Variants in EDIL3 observed in about 807,000 individuals in gnomAD.
The protein encoded by EDIL3 is EGF like and discoidin domains 3.
In EDIL3, 37 loss-of-function variants were observed where a neutral mutation model predicts 67.4. That is an observed-to-expected ratio of 0.55 (90% CI 0.42 to 0.72). EDIL3 has a LOEUF of 0.72. Ranked by LOEUF, EDIL3 falls within the 30% of genes least tolerant of loss-of-function variation. The pLI, the probability that EDIL3 is intolerant of heterozygous loss-of-function variation, is 0.00. For synonymous variants in EDIL3, 195 were observed against 196.3 expected (o/e 0.99, Z 0.05); for missense variants, 527 against 586.3 (o/e 0.90, Z 1.04).
At chr5:84,240,204 G>T (rs1282211414) in intron 2 of EDIL3, among the ~76,000 whole-genome samples, 1 of 152,092 alleles carries the variant, frequency 6.6e-6, no homozygotes. Flanking sequence ...GAATAAAACT[G>T]TAATAGAAAA....
chr5:84,332,508 A>C (rs1385664060), intron 1 of EDIL3, among the ~76,000 whole-genome samples: 1 of 152,134 alleles, frequency 6.6e-6, no homozygotes, highest in Non-Finnish European at 1.5e-5. Context: ...GATTTCATGA[A>C]CTCAAGTAAC....
At chr5:83,998,666 A>G (rs900178678) in intron 9 of EDIL3, among the ~76,000 whole-genome samples, 1 of 152,210 alleles carries the variant, frequency 6.6e-6, no homozygotes, top group Non-Finnish European at 1.5e-5. Context: ...TAGTTCCCAA[A>G]TGGCATTTCT....
intron 6 of EDIL3, among the ~76,000 whole-genome samples, chr5:84,088,725 G>GA (rs1171539963): frequency 6.6e-6 from 1 of 151,972 alleles, no homozygotes; most frequent in African/African-American, 2.4e-5. Flanking sequence ...TTTGTGGGGG[G>GA]AAAAAGGAGA....
intron 1 of EDIL3, among the ~76,000 whole-genome samples, chr5:84,314,109 T>A (rs1201436213): frequency 6.6e-6 from 1 of 152,142 alleles, no homozygotes. Flanking sequence ...GGCAGGAGAA[T>A]TGCTTGAACC....
In EDIL3 at chr5:84,073,928, C is replaced by T. The variant is rs1036692786; in HGVS notation, c.652-7322G>A. ...CAAAAGAACAAAGCTGGAGGCATCACGCTACCTGACTTCAAACTATACTAC... is the reference window on the plus strand; with the variant it reads ...CAAAAGAACAAAGCTGGAGGCATCATGCTACCTGACTTCAAACTATACTAC... On this transcript the variant is annotated intron_variant, in intron 6 of 10. Coordinates refer to ENST00000296591, the MANE Select transcript of EDIL3 (RefSeq NM_005711.5). 8.6e-4 allele frequency among the ~76,000 whole-genome samples: 130 copies of T among 151,662 alleles called. 1 individual carries two copies. Among genetic ancestry groups the T allele is most frequent in the African/African-American group, 2.4e-3 (100 of 41,406 alleles).
At chr5:84,179,870 A>G (rs549739523) in intron 4 of EDIL3, among the ~76,000 whole-genome samples, 19 of 152,266 alleles carry the variant, frequency 1.2e-4, no homozygotes, top group South Asian at 1.2e-3. Context: ...TTAACCTTCC[A>G]AGATAAATAA....
At chr5:84,229,083 T>A (rs1262591487) in intron 3 of EDIL3, among the ~76,000 whole-genome samples, 1 of 152,056 alleles carries the variant, frequency 6.6e-6, no homozygotes, top group Non-Finnish European at 1.5e-5. Context: ...ATGTTGCTGG[T>A]ATGTTAGTCT....
intron 9 of EDIL3, among the ~76,000 whole-genome samples, chr5:84,015,298 T>C (rs1271983411): frequency 6.6e-6 from 1 of 152,166 alleles, no homozygotes; most frequent in Non-Finnish European, 1.5e-5. Flanking sequence ...AGTCATCTAG[T>C]TCAAAGGAAG....
At chr5:84,328,420 T>G (rs903273158) in intron 1 of EDIL3, among the ~76,000 whole-genome samples, 1 of 152,042 alleles carries the variant, frequency 6.6e-6, no homozygotes, top group East Asian at 1.9e-4. Context: ...ACTCTTACCA[T>G]GAGAGAATGA....
At chr5:84,054,874 G>T (rs1201180259) in intron 9 of EDIL3, among the ~76,000 whole-genome samples, 1 of 146,258 alleles carries the variant, frequency 6.8e-6, no homozygotes, top group East Asian at 2.0e-4. Context: ...CGTGAAAATG[G>T]CCATACTGCC....
chr5:84,298,891 G>A (rs1746100690), intron 1 of EDIL3, among the ~76,000 whole-genome samples: 1 of 152,068 alleles, frequency 6.6e-6, no homozygotes, highest in Non-Finnish European at 1.5e-5. Context: ...TGGTTGGGGC[G>A]CATCAAGGAT....
chr5:84,105,381 A>G (rs1160162521), intron 6 of EDIL3, among the ~76,000 whole-genome samples: 1 of 152,090 alleles, frequency 6.6e-6, no homozygotes, highest in African/African-American at 2.4e-5. Flanking sequence ...TATGAGACAT[A>G]TAAGAATGCC....
intron 9 of EDIL3, among the ~76,000 whole-genome samples, chr5:84,012,074 A>C (rs972030201): frequency 3.9e-5 from 6 of 152,184 alleles, no homozygotes; most frequent in Non-Finnish European, 8.8e-5. Flanking sequence ...TGCTCAATAA[A>C]TGTTTGTTGA....
intron 6 of EDIL3, among the ~76,000 whole-genome samples, chr5:84,101,842 C>T (rs1232062325): frequency 2.6e-5 from 4 of 151,844 alleles, no homozygotes; most frequent in African/African-American, 9.7e-5. Flanking sequence ...CATCCTGATA[C>T]CAAAACCAGG....
intron 1 of EDIL3, among the ~76,000 whole-genome samples, chr5:84,306,640 T>G (rs1746281785): frequency 6.6e-6 from 1 of 152,224 alleles, no homozygotes; most frequent in Non-Finnish European, 1.5e-5. Flanking sequence ...ACAAATCAAT[T>G]TCTAGTGAAA....
intron 9 of EDIL3, among the ~76,000 whole-genome samples, chr5:84,040,651 T>G (rs1006411727): frequency 1.3e-5 from 2 of 151,896 alleles, no homozygotes; most frequent in Non-Finnish European, 2.9e-5. Context: ...TAAGAGAAAT[T>G]AAAGATTTGT....
chr5:83,961,042 A>C (rs955715305), intron 10 of EDIL3, among the ~76,000 whole-genome samples: 1 of 151,128 alleles, frequency 6.6e-6, no homozygotes, highest in African/African-American at 2.4e-5. Context: ...ATGCTAAGGT[A>C]GCATTCATAA....
At chr5:84,303,671 TAA>T (rs1434294830) in intron 1 of EDIL3, among the ~76,000 whole-genome samples, 2 of 152,208 alleles carry the variant, frequency 1.3e-5, no homozygotes, top group Non-Finnish European at 2.9e-5. Context: ...TTTCAAAAGT[TAA>T]TAGTTAAAAA....
At chr5:84,131,952 G>T (rs1443971309) in intron 5 of EDIL3, among the ~76,000 whole-genome samples, 1 of 151,898 alleles carries the variant, frequency 6.6e-6, no homozygotes, top group African/African-American at 2.4e-5. Context: ...GAATATAGGG[G>T]CTGGGCACCG....
Sources: allele counts gnomAD v4.1 joint callset (sites outside exome capture counted in the v4.1 genomes callset), GRCh38; gene constraint gnomAD v4.1.1; transcripts MANE v1.5; gene names NCBI Gene and HGNC (gene_info 2026-07-23, HGNC 2026-07-21).